Variants in TECPR1 observed in about 807,000 individuals in gnomAD.
TECPR1 encodes tectonin beta-propeller repeat containing 1.
TECPR1 carries 122 observed loss-of-function variants against 162.4 expected under a neutral mutation model. That is an observed-to-expected ratio of 0.75 (90% CI 0.65 to 0.87). The LOEUF (loss-of-function observed/expected upper bound fraction) is 0.87, where lower values mean the gene tolerates loss of function less well. Ranked by LOEUF, TECPR1 falls within the 40% of genes least tolerant of loss-of-function variation. The pLI is 0.00. For missense variants in TECPR1, 1,432 were observed against 1,618.2 expected (o/e 0.88, Z 1.97); for synonymous variants, 642 against 670.6 (o/e 0.96, Z 0.66).
rs533466287 is a variant in TECPR1, at chr7:98,246,153, G to A, written c.-7C>T. 2.1e-5 allele frequency: 32 copies of A among 1,538,292 alleles called. No homozygotes were observed. Among genetic ancestry groups the A allele is most frequent in the South Asian group, 3.6e-5 (3 of 83,822 alleles). ...ACAGCACTGAGTTGGGCATGGCAGC[G>A]GCTGGAGGTAACCTGCGGCAGGAGG... On this transcript the variant is annotated 5_prime_UTR_variant, in exon 3 of 26. Transcript: ENST00000447648.
At chr7:98,221,560 C>G in intron 23 of TECPR1, 101 bp downstream of exon 23, 1 of 977,684 alleles carries the variant, frequency 1.0e-6, no homozygotes, top group South Asian at 1.4e-5. Flanking sequence ...CTCCTGATCT[C>G]AGGTGATCCG....
At chr7:98,218,248 C>T (rs1179326716) in intron 23 of TECPR1, among the ~76,000 whole-genome samples, 7 of 152,316 alleles carry the variant, frequency 4.6e-5, no homozygotes, top group East Asian at 3.9e-4. Context: ...CAGCCAGCTC[C>T]GCCTTCTGCA....
In TECPR1 at chr7:98,216,560, T is replaced by C. The variant is rs1798012314; in HGVS notation, c.*830A>G. On this transcript the variant is annotated 3_prime_UTR_variant, in exon 26 of 26. Coordinates refer to ENST00000447648, the MANE Select transcript of TECPR1 (RefSeq NM_015395.3). The stretch of plus-strand genomic sequence containing the variant: ...CAATCTGCTGTCTCCTTCCTTCACT[T>C]TTTTTTTTTTTTTTTTTTGAGATGG... 3.4e-5 allele frequency: 1 copy of C among 29,516 alleles called. No homozygotes were observed. The highest frequency in any genetic ancestry group is 9.2e-5 in the Non-Finnish European group (1 of 10,878). The allele number at this position is 29,516 out of a possible 1,614,324, so 1.8% of individuals were successfully genotyped here. A position where few individuals can be genotyped will look rare whatever the true frequency, so the allele number is the denominator to read the frequency against.
Position 98,232,971 on chromosome 7 carries a change from G to C in TECPR1, c.1674C>G (p.Gly558=), listed in dbSNP as rs1257646079. 1.9e-6 allele frequency: 3 copies of C among 1,605,056 alleles called. No individual in the cohort carries two copies. The highest frequency in any genetic ancestry group is 8.5e-7 in the Non-Finnish European group (1 of 1,175,556). The stretch of plus-strand genomic sequence containing the variant: ...ACAGCATGTGTACCGAGGAGGACAG[G>C]CCTGTGGGGCAGAGAGAGCCTCAGG... ...AMPRWFTVQA[G]LSSSVHMLSL... is the part of the protein sequence containing the mutation. Residue 558 remains glycine, a splice_region_variant and synonymous_variant, in exon 12 of 26, where the codon GGC becomes GGG. Coordinates refer to ENST00000447648, the MANE Select transcript of TECPR1 (RefSeq NM_015395.3). This position sits in a 1 kb window ranked among gnomAD's most constrained non-coding sequence, Gnocchi z 4.6.
chr7:98,218,755 T>C (rs1475622203), intron 23 of TECPR1, among the ~76,000 whole-genome samples: 1 of 152,156 alleles, frequency 6.6e-6, no homozygotes, highest in Non-Finnish European at 1.5e-5. Context: ...TATTCATGGA[T>C]TGATGAGTAT....
At chr7:98,246,559 G>A (rs909101958) in intron 2 of TECPR1, among the ~76,000 whole-genome samples, 15 of 151,040 alleles carry the variant, frequency 9.9e-5, no homozygotes, top group East Asian at 6.0e-4. Flanking sequence ...GCCACCGCGC[G>A]TGGCCAACTG....
In TECPR1 at chr7:98,232,021, C is replaced by T. The variant is rs1798457215; in HGVS notation, c.1819-62G>A. The T allele has an allele frequency of 7.9e-6, 12 of 1,525,434 alleles. No individual in the cohort carries two copies. The highest frequency in any genetic ancestry group is 5.9e-5 in the South Asian group (5 of 85,062). The allele number at this position is 1,525,434 out of a possible 1,614,324, so 94.5% of individuals were successfully genotyped here. On this transcript the variant is annotated intron_variant, in intron 12 of 25. Transcript: ENST00000447648. The surrounding 1 kb of genome is among the most constrained non-coding windows in gnomAD (Gnocchi z 4.6). ...GGCCCGGGGTGCCAGGGGAGGAGGG[C>T]GGGGCTGGGGGTGCCCAGAGGAGGA...
intron 17 of TECPR1, 21 bp downstream of exon 17, chr7:98,227,993 C>T: frequency 6.2e-7 from 1 of 1,600,036 alleles, no homozygotes; most frequent in Non-Finnish European, 8.5e-7. Flanking sequence ...AGCATCCTGG[C>T]CGGGCACCTG....
intron 5 of TECPR1, 74 bp from the exon 6 acceptor site, chr7:98,243,666 G>T (rs893038226): frequency 5.9e-6 from 9 of 1,522,876 alleles, no homozygotes; most frequent in East Asian, 2.3e-5. Flanking sequence ...CCTCCCGCCC[G>T]CCTGCCATCC....
intron 23 of TECPR1, among the ~76,000 whole-genome samples, chr7:98,220,807 C>T (rs779739597): frequency 5.9e-5 from 9 of 151,936 alleles, no homozygotes; most frequent in Admixed American, 2.6e-4. Flanking sequence ...CCGCCTGCTC[C>T]GGCCTCCCAA....
At chr7:98,225,157 A>G (rs537700798) in intron 17 of TECPR1, 55 bp from the exon 18 acceptor site, 2 of 1,476,680 alleles carry the variant, frequency 1.4e-6, no homozygotes, top group African/African-American at 2.8e-5. Context: ...GAACTGGCTC[A>G]CTCAGACACC....
At chr7:98,227,708 G>C (rs1798313701) in intron 17 of TECPR1, among the ~76,000 whole-genome samples, 1 of 150,858 alleles carries the variant, frequency 6.6e-6, no homozygotes, top group African/African-American at 2.4e-5. Flanking sequence ...TGTAATCCCA[G>C]CTATTCGGGA....
At position 98,241,137 on chromosome 7, in the gene TECPR1, G is replaced by GAGGTCGTGGGGCCCACAGC. The variant is rs1798736586; in HGVS notation, c.746_764dup (p.Thr259ProfsTer38). The GAGGTCGTGGGGCCCACAGC allele has an allele frequency of 6.2e-7, 1 of 1,612,776 alleles. No homozygotes were observed. On this transcript the variant is annotated frameshift_variant, in exon 7 of 26. Transcript: ENST00000447648. LOFTEE classifies it high-confidence loss of function. The surrounding 1 kb of genome is among the most constrained non-coding windows in gnomAD (Gnocchi z 5.0). ...GTCCCTCCCAGAGTGTGGCCCACAG[G>GAGGTCGTGGGGCCCACAGC]AGGTCGTGGGGCCCACAGCTGATCT... is the stretch of plus-strand genomic sequence containing the variant.
chr7:98,217,292 C>T lies in TECPR1; in HGVS notation c.*98G>A, dbSNP rs1170173023. 7.2e-6 allele frequency: 6 copies of T among 827,602 alleles called. No individual in the cohort carries two copies. In the Admixed American group the frequency reaches 1.7e-4, roughly 24 times the overall value. 51.3% of individuals were successfully genotyped at this position (827,602 alleles called of 1,614,324 possible). A position where few individuals can be genotyped will look rare whatever the true frequency, so the allele number is the denominator to read the frequency against. ...AGGTTCCCTCCTGAGTCCACCTGGGCCACATTGCTCCCACGGTGCACACTC... is the reference window on the plus strand; with the variant it reads ...AGGTTCCCTCCTGAGTCCACCTGGGTCACATTGCTCCCACGGTGCACACTC... On this transcript the variant is annotated 3_prime_UTR_variant, in exon 26 of 26. Transcript: ENST00000447648.
intron 6 of TECPR1, among the ~76,000 whole-genome samples, chr7:98,242,127 G>T (rs1798765961): frequency 1.3e-5 from 2 of 152,234 alleles, no homozygotes; most frequent in Non-Finnish European, 2.9e-5. Flanking sequence ...AAGCAACTGT[G>T]TTCGCCTGTT....
At chr7:98,222,577 C>G in intron 21 of TECPR1, 56 bp from the exon 22 acceptor site, 1 of 1,535,592 alleles carries the variant, frequency 6.5e-7, no homozygotes, top group Non-Finnish European at 8.8e-7. Flanking sequence ...CCCAGGGCCC[C>G]ACCTCCAGGA....
At chr7:98,244,427 G>T in intron 5 of TECPR1, 144 bp downstream of exon 5, 1 of 1,077,872 alleles carries the variant, frequency 9.3e-7, no homozygotes, top group Non-Finnish European at 1.3e-6. Flanking sequence ...GGTGTTCCCG[G>T]GACAGGAAAC....
Position 98,217,387 on chromosome 7 carries a change from G to C in TECPR1, c.*3C>G. The C allele has an allele frequency of 6.4e-7, 1 of 1,553,116 alleles. No homozygotes were observed. Among genetic ancestry groups the C allele is most frequent in the Non-Finnish European group, 8.8e-7 (1 of 1,142,594 alleles). On this transcript the variant is annotated 3_prime_UTR_variant, in exon 26 of 26. Transcript: ENST00000447648. The stretch of plus-strand genomic sequence containing the variant: ...TCCCTGCATGTAGGTGTGTGGGGGG[G>C]CCTCAGCAGCAGACGGGGCCATGGG...
At chr7:98,230,853 G>A (rs1054093047) in intron 15 of TECPR1, 108 bp downstream of exon 15, 12 of 1,402,670 alleles carry the variant, frequency 8.6e-6, no homozygotes, top group African/African-American at 7.2e-5. Context: ...CCTGGTCAGC[G>A]AGAAGCTTGA....
Sources: gnomAD v4.1 joint callset for allele counts (sites outside exome capture counted in the v4.1 genomes callset) on GRCh38, gnomAD v4.1.1 for gene constraint, Gnocchi (gnomAD v3.1) non-coding constraint, MANE v1.5 for transcripts, NCBI Gene and HGNC (gene_info 2026-07-23, HGNC 2026-07-21) for gene names.